LMAN1: variants seen among roughly 807,000 people sequenced by gnomAD.
The protein encoded by LMAN1 is lectin, mannose binding 1.
In LMAN1, 32 loss-of-function variants were observed where a neutral mutation model predicts 67.8. The ratio of observed to expected loss-of-function variants is 0.47; its 90% CI spans 0.36 to 0.63. LMAN1 has a LOEUF of 0.63. Ranked by LOEUF, LMAN1 falls within the 30% of genes least tolerant of loss-of-function variation. The pLI, the probability that LMAN1 is intolerant of heterozygous loss-of-function variation, is 0.00. For synonymous variants in LMAN1, 235 were observed against 219.3 expected, an observed-to-expected ratio of 1.07 and a Z score of -0.63; for missense variants, 632 against 628.2, an observed-to-expected ratio of 1.01 and a Z score of -0.06.
intron 8 of LMAN1, 110 bp downstream of exon 8, chr18:59,345,809 G>C: frequency 8.1e-7 from 1 of 1,230,320 alleles, no homozygotes; most frequent in Admixed American, 1.9e-5. Context: ...CACTTGGAAT[G>C]TGCCTGTTCA....
chr18:59,347,580 T>TA lies in LMAN1; in HGVS notation c.764-10dup, dbSNP rs367567750. On this transcript the variant is annotated splice_polypyrimidine_tract_variant and intron_variant, in intron 6 of 12. Transcript: ENST00000251047. Reference sequence around the variant, plus strand: ...AAGGACATCATGGTCATCTACAAATTAAAAAAAAAAAAGTCTGAAAAAGTT... The same window carrying TA: ...AAGGACATCATGGTCATCTACAAATTAAAAAAAAAAAAAGTCTGAAAAAGTT... 131,002 of 1,293,284 alleles carry TA rather than the reference T, an allele frequency of 0.1. 1,074 individuals are homozygous for TA. Among genetic ancestry groups the TA allele is most frequent in the Middle Eastern group, 0.15 (749 of 5,040 alleles). 80.1% of individuals were successfully genotyped at this position (1,293,284 alleles called of 1,614,324 possible). A position where few individuals can be genotyped will look rare whatever the true frequency, so the allele number is the denominator to read the frequency against.
Position 59,354,977 on chromosome 18 carries a change from G to A in LMAN1, c.477+336C>T, listed in dbSNP as rs1156482078. Among the ~76,000 whole-genome samples the A allele has an allele frequency of 2.6e-5, 4 of 152,174 alleles. No homozygotes were observed. In the East Asian group the frequency reaches 7.7e-4, roughly 29 times the overall value. On this transcript the variant is annotated intron_variant, in intron 3 of 12. Coordinates refer to ENST00000251047, the MANE Select transcript of LMAN1 (RefSeq NM_005570.4). ...TGGACTTGGATGTGCTTATGTAAGTGTTTAGTAGAGTCTCCTAAACACTAC... is the reference window on the plus strand; with the variant it reads ...TGGACTTGGATGTGCTTATGTAAGTATTTAGTAGAGTCTCCTAAACACTAC...
At chr18:59,353,020 G>C in intron 5 of LMAN1, 182 bp downstream of exon 5, 1 of 604,428 alleles carries the variant, frequency 1.7e-6, no homozygotes. Flanking sequence ...ATACCATCAG[G>C]GGTTTACAAC....
chr18:59,357,051 T>A (rs1287685918), intron 1 of LMAN1, among the ~76,000 whole-genome samples: 1 of 152,084 alleles, frequency 6.6e-6, no homozygotes, highest in Non-Finnish European at 1.5e-5. Flanking sequence ...AGTAATGAAT[T>A]GCAGAGCAAA....
Position 59,355,616 on chromosome 18 carries a change from A to T in LMAN1, c.257T>A (p.Leu86Ter). Residue 86 changes from leucine (L) to a stop codon, truncating the protein, a stop_gained, in exon 2 of 13, where the codon TTA becomes TAA. Coordinates refer to ENST00000251047, the MANE Select transcript of LMAN1 (RefSeq NM_005570.4). LOFTEE classifies it high-confidence loss of function. ...CCACACTGAGCCTCTTTGGCTTTTT[A>T]AAGATGGTGCTACTCGAATTTGATC... Reference protein sequence around the residue: ...SSDQIRVAPSLKSQRGSVWTK... With the variant: ...SSDQIRVAPS The T allele has an allele frequency of 6.2e-7, 1 of 1,614,138 alleles. No individual in the cohort carries two copies. The highest frequency in any genetic ancestry group is 8.5e-7 in the Non-Finnish European group (1 of 1,179,970).
At chr18:59,336,559 A>G (rs575109761) in intron 10 of LMAN1, among the ~76,000 whole-genome samples, 2 of 152,318 alleles carry the variant, frequency 1.3e-5, no homozygotes, top group African/African-American at 4.8e-5. Context: ...CAGAATTCCA[A>G]TGAACAAATA....
intron 10 of LMAN1, 124 bp downstream of exon 10, chr18:59,338,433 G>A: frequency 1.3e-6 from 1 of 753,864 alleles, no homozygotes; most frequent in Non-Finnish European, 2.3e-6. Flanking sequence ...TTTGTAAAAT[G>A]AATCTAGAAC....
Position 59,330,179 on chromosome 18 carries a change from G to C in LMAN1, c.*914C>G, listed in dbSNP as rs1400018607. 1.3e-5 allele frequency: 2 copies of C among 152,586 alleles called. No individual in the cohort carries two copies. The highest frequency in any genetic ancestry group is 2.9e-5 in the Non-Finnish European group (2 of 68,014). 9.5% of individuals were successfully genotyped at this position (152,586 alleles called of 1,614,324 possible). A position where few individuals can be genotyped will look rare whatever the true frequency, so the allele number is the denominator to read the frequency against. On this transcript the variant is annotated 3_prime_UTR_variant, in exon 13 of 13. Transcript: ENST00000251047. ...GGTCACTAACCCCAGCCAGCATGAA[G>C]TAACTAATGTAAACCAGAATGTAGT...
chr18:59,358,890 A>G (rs1908726490), intron 1 of LMAN1, 141 bp downstream of exon 1: 1 of 837,242 alleles, frequency 1.2e-6, no homozygotes, highest in East Asian at 2.6e-5. Context: ...AGGGGCTGCC[A>G]GGAGGGTCCC....
intron 5 of LMAN1, chr18:59,352,905 GTCTA>G (rs34538386): frequency 0.25 from 89,720 of 361,606 alleles, 11,758 homozygotes; most frequent in South Asian, 0.34. Flanking sequence ...GAGATTATCC[GTCTA>G]TCTATCTATC....
chr18:59,353,117 G>T, intron 5 of LMAN1, 85 bp downstream of exon 5: 1 of 1,157,872 alleles, frequency 8.6e-7, no homozygotes, highest in Non-Finnish European at 1.3e-6. Flanking sequence ...AAATTTAAGT[G>T]CATTTAATTT....
intron 4 of LMAN1, among the ~76,000 whole-genome samples, chr18:59,353,918 C>CT (rs1265746425): frequency 6.6e-6 from 1 of 152,086 alleles, no homozygotes; most frequent in Non-Finnish European, 1.5e-5. Flanking sequence ...CTTATCACAC[C>CT]TAATATGATG....
intron 10 of LMAN1, among the ~76,000 whole-genome samples, chr18:59,336,805 G>A (rs1331228351): frequency 6.6e-6 from 1 of 151,988 alleles, no homozygotes; most frequent in East Asian, 1.9e-4. Context: ...GATCATTTGA[G>A]CCCAGGAGGT....
At chr18:59,357,010 T>C (rs950320010) in intron 1 of LMAN1, among the ~76,000 whole-genome samples, 2 of 152,190 alleles carry the variant, frequency 1.3e-5, no homozygotes, top group Admixed American at 1.3e-4. Context: ...GTGTTTAAAC[T>C]AGATCTTAAA....
chr18:59,346,806 C>T (rs1190635704), intron 7 of LMAN1, among the ~76,000 whole-genome samples: 1 of 152,022 alleles, frequency 6.6e-6, no homozygotes, highest in Non-Finnish European at 1.5e-5. Flanking sequence ...AGGCATGAGC[C>T]ACCACACCCG....
At chr18:59,334,119 TA>T (rs1208264159) in intron 10 of LMAN1, among the ~76,000 whole-genome samples, 3 of 152,214 alleles carry the variant, frequency 2.0e-5, no homozygotes, top group Admixed American at 6.5e-5. Context: ...ACTAAAATAA[TA>T]CCAAGACCAA....
chr18:59,356,235 CA>C (rs895804544), intron 1 of LMAN1, among the ~76,000 whole-genome samples: 5 of 152,256 alleles, frequency 3.3e-5, no homozygotes, highest in African/African-American at 1.2e-4. Flanking sequence ...TGGAGAGGGT[CA>C]ACTGAACTTC....
intron 12 of LMAN1, 24 bp downstream of exon 12, chr18:59,331,394 G>A: frequency 6.3e-7 from 1 of 1,593,768 alleles, no homozygotes; most frequent in Non-Finnish European, 8.6e-7. Context: ...AAAATATTGG[G>A]TCACATTTTA....
rs527760348 is a variant in LMAN1 at position 59,335,475 on chromosome 18, G to A, written c.1221-2231C>T. Among the ~76,000 whole-genome samples, 6 of 151,644 alleles carry A rather than the reference G, an allele frequency of 4.0e-5. No individual in the cohort carries two copies. The South Asian group carries it at 8.4e-4, about 21-fold the overall frequency. ...AAGAAAGAAAAGAAAAAGAAAATAC[G>A]TATATGCAGAAGAAATACAGGAAGA... On this transcript the variant is annotated intron_variant, in intron 10 of 12. Coordinates refer to ENST00000251047, the MANE Select transcript of LMAN1 (RefSeq NM_005570.4).
Sources: allele counts gnomAD v4.1 joint callset (sites outside exome capture counted in the v4.1 genomes callset), GRCh38; gene constraint gnomAD v4.1.1; transcripts MANE v1.5; gene names NCBI Gene and HGNC (gene_info 2026-07-23, HGNC 2026-07-21).